The following DNAJC13 variants were observed in gnomAD, a reference collection of about 807,000 sequenced individuals.
DNAJC13 encodes DnaJ heat shock protein family (Hsp40) member C13, also known as dnaJ homolog subfamily C member 13.
A neutral mutation model predicts 290.5 loss-of-function variants in DNAJC13; 75 were observed. That is an observed-to-expected ratio of 0.26 (90% confidence interval 0.21 to 0.31). The LOEUF is 0.31. DNAJC13 is among the 10% of genes least tolerant of loss of function. The probability of loss-of-function intolerance (pLI) is 1.00; values close to 1 mark genes in which losing one functional copy is unlikely to be tolerated. For synonymous variants in DNAJC13, 862 were observed against 892.0 expected, an observed-to-expected ratio of 0.97 and a Z score of 0.60; for missense variants, 2,260 against 2,674.5, an observed-to-expected ratio of 0.85 and a Z score of 3.42.
At chr3:132,525,816 A>T in intron 52 of DNAJC13, 27 bp downstream of exon 52, 1 of 1,604,442 alleles carries the variant, frequency 6.2e-7, no homozygotes, top group Non-Finnish European at 8.5e-7. Flanking sequence ...TTAGTAGTTT[A>T]TAAGCTCCAG....
chr3:132,485,086 A>G (rs934162754), intron 29 of DNAJC13, among the ~76,000 whole-genome samples: 2 of 152,090 alleles, frequency 1.3e-5, no homozygotes, highest in Admixed American at 6.5e-5. Flanking sequence ...CTTGTCTCAA[A>G]AAGAAAAGGA....
At chr3:132,479,859 A>G (rs1934609581) in intron 25 of DNAJC13, among the ~76,000 whole-genome samples, 1 of 152,134 alleles carries the variant, frequency 6.6e-6, no homozygotes, top group Admixed American at 6.5e-5. Flanking sequence ...ACTAATACCA[A>G]TTTGCATAGT....
intron 27 of DNAJC13, among the ~76,000 whole-genome samples, chr3:132,482,606 T>C (rs1934715838): frequency 6.6e-6 from 1 of 152,152 alleles, no homozygotes; most frequent in Non-Finnish European, 1.5e-5. Flanking sequence ...TGTAGTGGCT[T>C]ACACCTGTAA....
rs1177011695 is a variant in DNAJC13 at position 132,503,248 on chromosome 3, A to G, written c.4751A>G (p.His1584Arg). The change falls in exon 41 of 56, where the codon CAT (histidine) becomes CGT (arginine). Residue 1584 changes from histidine (H) to arginine (R), a missense_variant. Around this residue, in one of 3 missense-constraint regions of DNAJC13, gnomAD observed 1,494 missense variants for 1,693.7 expected, o/e 0.88. Transcript: ENST00000260818. ...AACAGCCTTGCCAAACTGAGTGTCC[A>G]TGCTCTGAGTCGCCTTGGAGGGTAT... ...VANSLAKLSV[H>R]ALSRLGGYLA... 1.2e-6 allele frequency: 2 copies of G among 1,614,088 alleles called. No homozygotes were observed. The highest frequency in any genetic ancestry group is 2.2e-5 in the East Asian group (1 of 44,874).
Position 132,538,429 on chromosome 3 carries a change from AAGTC to A in DNAJC13, c.*151_*154del, listed in dbSNP as rs1449089856. On this transcript the variant is annotated 3_prime_UTR_variant, in exon 56 of 56. Transcript: ENST00000260818. ...TCTATAAATATATTTTTAGGAAAAA[AAGTC>A]AGTGATCCTAATTGTATCACATTAT... 9.8e-6 allele frequency: 6 copies of A among 614,920 alleles called. No individual in the cohort carries two copies. Among genetic ancestry groups the A allele is most frequent in the African/African-American group, 9.3e-5 (5 of 53,682 alleles). The allele number at this position is 614,920 out of a possible 1,614,324, so 38.1% of individuals were successfully genotyped here.
chr3:132,424,635 C>T (rs1367857382), intron 1 of DNAJC13, among the ~76,000 whole-genome samples: 1 of 152,096 alleles, frequency 6.6e-6, no homozygotes, highest in East Asian at 1.9e-4. Context: ...ACAGTACAAT[C>T]ACTTCACTTT....
chr3:132,476,180 T>C (rs569208274), intron 22 of DNAJC13, among the ~76,000 whole-genome samples: 119 of 152,194 alleles, frequency 7.8e-4, no homozygotes, highest in Non-Finnish European at 1.5e-3. Context: ...TCCAGATTTT[T>C]ATCTCTTGCT....
rs752915733 is a variant in DNAJC13 at position 132,484,649 on chromosome 3, A to G, written c.3244A>G (p.Thr1082Ala). The G allele has an allele frequency of 6.2e-7, 1 of 1,614,042 alleles. No homozygotes were observed. The highest frequency in any genetic ancestry group is 1.1e-5 in the South Asian group (1 of 91,082). The change falls in exon 29 of 56, where the codon ACT (threonine) becomes GCT (alanine). Residue 1082 changes from threonine (T) to alanine (A), a missense_variant. By Grantham distance (58) the Thr-to-Ala change is moderately conservative. Transcript: ENST00000260818. Reference protein sequence around the residue: ...PKVKRLLSDSTCLPHIIQLLL... With the variant: ...PKVKRLLSDSACLPHIIQLLL... ...AGTGAAAAGACTGCTGTCAGATAGC[A>G]CTTGCCTTCCCCATATTATTCAGGT...
At chr3:132,483,658 C>A in intron 28 of DNAJC13, 81 bp downstream of exon 28, 4 of 1,358,788 alleles carry the variant, frequency 2.9e-6, no homozygotes, top group Non-Finnish European at 4.2e-6. Flanking sequence ...TGTTTTAAAA[C>A]AAAGATGTCC....
Position 132,494,256 on chromosome 3 carries a change from G to A in DNAJC13, c.3938G>A (p.Gly1313Glu). Residue 1313 changes from glycine to glutamate, a missense_variant, in exon 34 of 56, where the codon GGA becomes GAA. Around this residue, in one of 3 missense-constraint regions of DNAJC13, gnomAD observed 1,494 missense variants for 1,693.7 expected, o/e 0.88. Coordinates refer to ENST00000260818, the MANE Select transcript of DNAJC13 (RefSeq NM_015268.4). Reference protein sequence around the residue: ...YEVLNLPQGQGPHDESKIRKA... With the variant: ...YEVLNLPQGQEPHDESKIRKA... ...GTGCTTAATCTGCCTCAAGGACAGGGACCGTGAGTTGTTTTCAGTACAATA... is the reference window on the plus strand; with the variant it reads ...GTGCTTAATCTGCCTCAAGGACAGGAACCGTGAGTTGTTTTCAGTACAATA... 2 of 1,610,872 alleles carry A rather than the reference G, an allele frequency of 1.2e-6. No individual in the cohort carries two copies. Among genetic ancestry groups the A allele is most frequent in the Non-Finnish European group, 1.7e-6 (2 of 1,177,624 alleles).
chr3:132,519,343 G>A (rs538029407), intron 48 of DNAJC13, among the ~76,000 whole-genome samples: 19 of 152,136 alleles, frequency 1.2e-4, no homozygotes, highest in Admixed American at 5.2e-4. Flanking sequence ...TCATGGTTTC[G>A]ATCTGCATTT....
chr3:132,518,989 T>C (rs920272876), intron 48 of DNAJC13, among the ~76,000 whole-genome samples: 2 of 152,234 alleles, frequency 1.3e-5, no homozygotes, highest in African/African-American at 4.8e-5. Flanking sequence ...TCATCTATGT[T>C]GTAGCAAGTG....
chr3:132,483,923 T>C (rs1934768351), intron 28 of DNAJC13, among the ~76,000 whole-genome samples: 1 of 152,240 alleles, frequency 6.6e-6, no homozygotes. Context: ...CGCTAGCTAT[T>C]TCTGCTATAG....
At chr3:132,480,883 T>C (rs1934645056) in intron 26 of DNAJC13, among the ~76,000 whole-genome samples, 1 of 152,180 alleles carries the variant, frequency 6.6e-6, no homozygotes, top group Non-Finnish European at 1.5e-5. Flanking sequence ...TATCCTTAGC[T>C]CATTTGATGT....
intron 5 of DNAJC13, among the ~76,000 whole-genome samples, chr3:132,450,163 T>C (rs764735260): frequency 5.3e-5 from 8 of 151,992 alleles, no homozygotes; most frequent in Admixed American, 1.3e-4. Context: ...TTTTTTTTTT[T>C]GTATGTGGAA....
chr3:132,430,098 T>C (rs2107645399), intron 1 of DNAJC13, among the ~76,000 whole-genome samples: 2 of 152,264 alleles, frequency 1.3e-5, no homozygotes, highest in East Asian at 3.9e-4. Flanking sequence ...CATTGGTAGT[T>C]TACTTTTATC....
At chr3:132,418,000 T>G (rs1938843469) in intron 1 of DNAJC13, among the ~76,000 whole-genome samples, 1 of 152,104 alleles carries the variant, frequency 6.6e-6, no homozygotes, top group African/African-American at 2.4e-5. Flanking sequence ...CCACCCCTTT[T>G]TTTTGCTTGT....
Position 132,525,603 on chromosome 3 carries a change from C to G in DNAJC13, c.6061-7C>G. 6.2e-7 allele frequency: 1 copy of G among 1,612,838 alleles called. No individual in the cohort carries two copies. The highest frequency in any genetic ancestry group is 8.5e-7 in the Non-Finnish European group (1 of 1,179,524). On this transcript the variant is annotated splice_region_variant and splice_polypyrimidine_tract_variant and intron_variant, in intron 51 of 55. Coordinates refer to ENST00000260818, the MANE Select transcript of DNAJC13 (RefSeq NM_015268.4). ...ATAGTTGATTTATTTTTGTTTTACA[C>G]CTGCAGGGAGAAACTCTGGAAACCT...
At chr3:132,460,228 G>GTTT in intron 13 of DNAJC13, 22 bp from the exon 14 acceptor site, 21 of 1,239,580 alleles carry the variant, frequency 1.7e-5, no homozygotes, top group South Asian at 5.8e-5. Context: ...AATTATCACT[G>GTTT]TTTTTTTTTT....
Sources: allele counts gnomAD v4.1 joint callset (sites outside exome capture counted in the v4.1 genomes callset), GRCh38; gene constraint gnomAD v4.1.1; regional missense constraint gnomAD v4.1.1; transcripts MANE v1.5; gene names NCBI Gene and HGNC (gene_info 2026-07-23, HGNC 2026-07-21).